Variants in SYNCRIP observed in about 807,000 individuals in gnomAD.
SYNCRIP encodes the protein synaptotagmin binding cytoplasmic RNA interacting protein.
A neutral mutation model predicts 68.9 loss-of-function variants in SYNCRIP; 9 were observed. The observed-to-expected ratio is 0.13, with a 90% CI of 0.08 to 0.23. SYNCRIP has a LOEUF of 0.23. Among genes scored for constraint, SYNCRIP ranks in the 10% least tolerant of loss-of-function variants. The pLI is 1.00. For missense variants in SYNCRIP, 414 were observed against 770.6 expected, an observed-to-expected ratio of 0.54 and a Z score of 5.48; for synonymous variants, 258 against 254.0, an observed-to-expected ratio of 1.02 and a Z score of -0.15.
At chr6:85,609,035 CCCA>C (rs1169215218), downstream of SYNCRIP, 8 of 151,836 alleles carry the variant, frequency 5.3e-5, no homozygotes, top group African/African-American at 1.4e-4. Context: ...AAACAATATC[CCCA>C]CAAGTCTGTT....
At chr6:85,617,811 T>C (rs746149552) in intron 10 of SYNCRIP, among the ~76,000 whole-genome samples, 16 of 152,364 alleles carry the variant, frequency 1.1e-4, no homozygotes, top group Admixed American at 3.9e-4. Context: ...TTGAATAGTA[T>C]TGACAGTGAT....
chr6:85,614,530 T>C lies in SYNCRIP; in HGVS notation c.*226A>G, dbSNP rs1805540376. The C allele has an allele frequency of 8.0e-7, 1 of 1,246,156 alleles. No homozygotes were observed. The highest frequency in any genetic ancestry group is 1.6e-5 in the African/African-American group (1 of 64,364). The allele number at this position is 1,246,156 out of a possible 1,614,324, so 77.2% of individuals were successfully genotyped here. A position where few individuals can be genotyped will look rare whatever the true frequency, so the allele number is the denominator to read the frequency against. On this transcript the variant is annotated 3_prime_UTR_variant, in exon 11 of 11. Coordinates refer to ENST00000369622, the MANE Select transcript of SYNCRIP (RefSeq NM_006372.5). ...GCACAAATGCAAACTCATTAACTAT[T>C]TCTTTCAGTATCTAAGAATATCTTT...
chr6:85,619,549 G>C, intron 8 of SYNCRIP, 132 bp from the exon 9 acceptor site: 1 of 703,734 alleles, frequency 1.4e-6, no homozygotes. Flanking sequence ...AAAAAAAAAA[G>C]TTTTCAACTC....
downstream of SYNCRIP, chr6:85,610,904 G>A (rs1418082886): frequency 6.6e-6 from 1 of 151,938 alleles, no homozygotes; most frequent in Non-Finnish European, 1.5e-5. Flanking sequence ...AAAAAAGCAC[G>A]GGGTAATATA....
At chr6:85,641,249 T>G (rs773427518) in intron 2 of SYNCRIP, 43 bp downstream of exon 2, 1 of 1,557,110 alleles carries the variant, frequency 6.4e-7, no homozygotes, top group South Asian at 1.1e-5. Context: ...AGAAATCCAA[T>G]AGAAAAATTT....
intron 10 of SYNCRIP, among the ~76,000 whole-genome samples, chr6:85,617,605 G>A (rs139350279): frequency 1.8e-4 from 28 of 152,270 alleles, no homozygotes; most frequent in African/African-American, 6.7e-4. Flanking sequence ...ACATAATCCA[G>A]AGCTATTACA....
chr6:85,607,959 A>C (rs974408901), downstream of SYNCRIP: 8 of 152,100 alleles, frequency 5.3e-5, no homozygotes, highest in African/African-American at 1.9e-4. Flanking sequence ...GAAGTGGCCA[A>C]AACTGCTCGT....
chr6:85,620,091 C>T (rs1331666340), intron 8 of SYNCRIP, among the ~76,000 whole-genome samples: 2 of 152,096 alleles, frequency 1.3e-5, no homozygotes, highest in East Asian at 3.9e-4. Context: ...TACAAAAATA[C>T]AAAGATTAGC....
upstream of SYNCRIP, chr6:85,643,667 C>T (rs1171673133): frequency 6.6e-6 from 1 of 151,776 alleles, no homozygotes; most frequent in East Asian, 1.9e-4. Flanking sequence ...CTCCCGCCCG[C>T]CCCATCCCTG....
chr6:85,642,182 C>A (rs1292862228), intron 1 of SYNCRIP, among the ~76,000 whole-genome samples: 1 of 152,204 alleles, frequency 6.6e-6, no homozygotes, highest in African/African-American at 2.4e-5. Context: ...ACCGAGGCAC[C>A]GGCGGCGCCA....
At chr6:85,630,807 A>T (rs1807684452) in intron 6 of SYNCRIP, among the ~76,000 whole-genome samples, 1 of 152,236 alleles carries the variant, frequency 6.6e-6, no homozygotes, top group African/African-American at 2.4e-5. Context: ...ATGTTAGGGA[A>T]AAAGGAAAAA....
chr6:85,638,323 G>C (rs1808707161), intron 4 of SYNCRIP, among the ~76,000 whole-genome samples: 1 of 137,248 alleles, frequency 7.3e-6, no homozygotes, highest in South Asian at 2.4e-4. Context: ...GGAGGTTGCA[G>C]TGAGCGGAGA....
intron 8 of SYNCRIP, among the ~76,000 whole-genome samples, chr6:85,621,081 A>T (rs1217020236): frequency 6.6e-6 from 1 of 152,206 alleles, no homozygotes; most frequent in African/African-American, 2.4e-5. Flanking sequence ...CTCTTCACTA[A>T]CATTATCACT....
rs748719502 is a variant in SYNCRIP, at chr6:85,622,476, C to G, written c.1008+6G>C. ...CAAAAAATATTTTTAACTTGACTAT[C>G]ATTACCTTTGCCATAACCTCAGGAT... On this transcript the variant is annotated splice_donor_region_variant and intron_variant, in intron 8 of 10. Coordinates refer to ENST00000369622, the MANE Select transcript of SYNCRIP (RefSeq NM_006372.5). 2.8e-5 allele frequency: 44 copies of G among 1,599,236 alleles called. No homozygotes were observed. The highest frequency in any genetic ancestry group is 3.5e-5 in the Non-Finnish European group (41 of 1,170,674).
chr6:85,640,924 A>G (rs2128305151), intron 2 of SYNCRIP, among the ~76,000 whole-genome samples: 1 of 152,354 alleles, frequency 6.6e-6, no homozygotes, highest in East Asian at 1.9e-4. Flanking sequence ...CACCAGAAAA[A>G]GTTAACAGCC....
chr6:85,641,220 G>T, intron 2 of SYNCRIP, 72 bp downstream of exon 2: 2 of 1,297,382 alleles, frequency 1.5e-6, no homozygotes, highest in Non-Finnish European at 2.2e-6. Context: ...ACAAAAAGTT[G>T]CTATTTTAGC....
intron 10 of SYNCRIP, 59 bp downstream of exon 10, chr6:85,618,759 C>A: frequency 7.1e-7 from 1 of 1,411,918 alleles, no homozygotes; most frequent in Admixed American, 2.2e-5. Context: ...CTGTTATTTT[C>A]CAATTAGTGT....
At chr6:85,617,535 T>G (rs901140273) in intron 10 of SYNCRIP, among the ~76,000 whole-genome samples, 3 of 152,246 alleles carry the variant, frequency 2.0e-5, no homozygotes. Context: ...TACACTATCA[T>G]CAAACCTACA....
chr6:85,614,946 A>G lies in SYNCRIP; in HGVS notation c.1682T>C (p.Val561Ala). 1.2e-6 allele frequency: 2 copies of G among 1,613,860 alleles called. No homozygotes were observed. The highest frequency in any genetic ancestry group is 1.3e-5 in the African/African-American group (1 of 74,942). Reference sequence around the variant, plus strand: ...CCCATCAGCTTTGCGCTTTCCTCCTACATTTCCACCGCGGCCACCCCTCGC... The same window carrying G: ...CCCATCAGCTTTGCGCTTTCCTCCTGCATTTCCACCGCGGCCACCCCTCGC... The part of the protein sequence containing the change: ...RGARGGRGGN[V>A]GGKRKADGYN... The change falls in exon 11 of 11, where the codon GTA becomes GCA. Residue 561 changes from valine to alanine, a missense_variant. By Grantham distance (64) the Val-to-Ala change is moderately conservative (BLOSUM62 0). Around this residue, in one of 6 missense-constraint regions of SYNCRIP, gnomAD observed 130 missense variants for 149.0 expected, o/e 0.87. Transcript: ENST00000369622.
Sources: allele counts gnomAD v4.1 joint callset (sites outside exome capture counted in the v4.1 genomes callset), GRCh38; gene constraint gnomAD v4.1.1; regional missense constraint gnomAD v4.1.1; transcripts MANE v1.5; gene names NCBI Gene and HGNC (gene_info 2026-07-23, HGNC 2026-07-21).